CNTNAP2: variants seen among roughly 807,000 people sequenced by gnomAD.
CNTNAP2 encodes the protein contactin-associated protein-like 2.
Under a neutral mutation model 155.2 loss-of-function variants are expected in CNTNAP2, and 98 were observed. The observed-to-expected ratio is 0.63, with a 90% CI of 0.54 to 0.75. The LOEUF is 0.75. Among genes scored for constraint, CNTNAP2 ranks in the 30% least tolerant of loss-of-function variants. The probability of loss-of-function intolerance (pLI) is 0.00; values close to 1 mark genes in which losing one functional copy is unlikely to be tolerated. For missense variants in CNTNAP2, 1,727 were observed against 1,688.1 expected (o/e 1.02, Z -0.40); for synonymous variants, 651 against 631.2 (o/e 1.03, Z -0.47).
intron 4 of CNTNAP2, among the ~76,000 whole-genome samples, chr7:147,052,438 G>C (rs183603974): frequency 9.2e-5 from 14 of 152,152 alleles, no homozygotes; most frequent in African/African-American, 3.4e-4. Context: ...ATTACTATTT[G>C]AGGATGCATA....
chr7:147,509,214 T>C (rs1296864362), intron 11 of CNTNAP2, among the ~76,000 whole-genome samples: 1 of 152,216 alleles, frequency 6.6e-6, no homozygotes, highest in Non-Finnish European at 1.5e-5. Context: ...ATCCCAAATC[T>C]GATTTAGGGC....
intron 1 of CNTNAP2, among the ~76,000 whole-genome samples, chr7:146,534,412 A>G (rs1377078059): frequency 2.0e-5 from 3 of 152,108 alleles, no homozygotes; most frequent in African/African-American, 7.2e-5. Flanking sequence ...CAGTGATACA[A>G]TATGAGTGCC....
Position 147,671,047 on chromosome 7 carries a change from C to T in CNTNAP2, c.2098+31741C>T, listed in dbSNP as rs571969565. On this transcript the variant is annotated intron_variant, in intron 13 of 23. Coordinates refer to ENST00000361727, the MANE Select transcript of CNTNAP2 (RefSeq NM_014141.6). ...GCTGGTGCCCAAAAGCACTGGCTCTCGGCTCCTGCCTCCACTTACCCGTGT... is the reference window on the plus strand; with the variant it reads ...GCTGGTGCCCAAAAGCACTGGCTCTTGGCTCCTGCCTCCACTTACCCGTGT... Among the ~76,000 whole-genome samples the T allele has an allele frequency of 1.4e-3, 218 of 152,338 alleles. 1 individual carries two copies. The highest frequency in any genetic ancestry group is 5.1e-3 in the African/African-American group (213 of 41,582).
chr7:147,578,801 C>A (rs763455870), intron 12 of CNTNAP2, among the ~76,000 whole-genome samples: 1 of 151,988 alleles, frequency 6.6e-6, no homozygotes, highest in Non-Finnish European at 1.5e-5. Flanking sequence ...CTTTAAAACC[C>A]TGTGTATTAC....
intron 10 of CNTNAP2, among the ~76,000 whole-genome samples, chr7:147,425,241 C>T (rs1797359884): frequency 1.5e-5 from 2 of 137,658 alleles, no homozygotes; most frequent in Non-Finnish European, 1.5e-5. Flanking sequence ...TATTCTCCTT[C>T]TTGTTCCACA....
intron 14 of CNTNAP2, among the ~76,000 whole-genome samples, chr7:147,944,986 TC>T (rs1412130621): frequency 6.6e-6 from 1 of 152,150 alleles, no homozygotes; most frequent in Non-Finnish European, 1.5e-5. Flanking sequence ...GGTTTGATGC[TC>T]CCAGGCACAG....
At chr7:146,472,147 G>C (rs1170459489) in intron 1 of CNTNAP2, among the ~76,000 whole-genome samples, 2 of 152,156 alleles carry the variant, frequency 1.3e-5, no homozygotes, top group Non-Finnish European at 1.5e-5. Context: ...TGGTGTTTCA[G>C]GTAGTTCTGT....
At chr7:146,191,629 C>T (rs1199339051) in intron 1 of CNTNAP2, among the ~76,000 whole-genome samples, 6 of 152,078 alleles carry the variant, frequency 3.9e-5, no homozygotes, top group Non-Finnish European at 8.8e-5. Flanking sequence ...GACAGACACT[C>T]CCAGAGCGGC....
chr7:147,492,561 T>G (rs979240914), intron 11 of CNTNAP2, among the ~76,000 whole-genome samples: 2 of 152,194 alleles, frequency 1.3e-5, no homozygotes, highest in Non-Finnish European at 2.9e-5. Flanking sequence ...AGGGAAGTTA[T>G]GGAGAGGGGA....
At chr7:147,085,514 C>T (rs1027746722) in intron 4 of CNTNAP2, among the ~76,000 whole-genome samples, 7 of 152,266 alleles carry the variant, frequency 4.6e-5, no homozygotes, top group African/African-American at 1.7e-4. Flanking sequence ...TCCCAAAACC[C>T]ACCCCCAAGC....
At chr7:148,315,018 TGA>T (rs1157296460) in intron 21 of CNTNAP2, among the ~76,000 whole-genome samples, 3 of 151,996 alleles carry the variant, frequency 2.0e-5, no homozygotes, top group Admixed American at 2.0e-4. Flanking sequence ...TGAGGGATAG[TGA>T]GAGAGGTTGG....
chr7:147,035,738 C>T (rs1409635165), intron 3 of CNTNAP2, among the ~76,000 whole-genome samples: 4 of 151,952 alleles, frequency 2.6e-5, no homozygotes, highest in East Asian at 1.9e-4. Flanking sequence ...CTCATTCATT[C>T]GCTATAGGAG....
At chr7:148,165,680 C>T (rs1026506969) in intron 17 of CNTNAP2, among the ~76,000 whole-genome samples, 4 of 152,288 alleles carry the variant, frequency 2.6e-5, no homozygotes, top group East Asian at 1.9e-4. Context: ...GCTCACATGC[C>T]ATGAGCGGCG....
At position 147,294,137 on chromosome 7, in the gene CNTNAP2, C is replaced by T. The variant is rs145403294; in HGVS notation, c.1349-6004C>T. Among the ~76,000 whole-genome samples, 54 of 152,300 alleles carry T rather than the reference C, an allele frequency of 3.5e-4. No individual in the cohort carries two copies. In the East Asian group the frequency reaches 9.6e-3, roughly 27 times the overall value. On this transcript the variant is annotated intron_variant, in intron 8 of 23. Transcript: ENST00000361727. ...TCAGCCTCTTATGGGGCAAGCTCCA[C>T]GTGTGCCTGAATATATTATGACCCC...
intron 17 of CNTNAP2, among the ~76,000 whole-genome samples, chr7:148,170,344 A>G (rs1203648893): frequency 1.3e-5 from 2 of 152,234 alleles, no homozygotes; most frequent in Non-Finnish European, 2.9e-5. Flanking sequence ...TATTGCAAGG[A>G]CAAAAGCCAT....
At chr7:148,368,142 C>T (rs1167618735) in intron 21 of CNTNAP2, among the ~76,000 whole-genome samples, 1 of 152,188 alleles carries the variant, frequency 6.6e-6, no homozygotes, top group African/African-American at 2.4e-5. Context: ...GTGCCTGGCT[C>T]AGATTAGCTT....
intron 1 of CNTNAP2, among the ~76,000 whole-genome samples, chr7:146,178,701 A>G (rs1434324218): frequency 6.6e-6 from 1 of 152,190 alleles, no homozygotes; most frequent in Non-Finnish European, 1.5e-5. Flanking sequence ...CATCTGCTAA[A>G]TTATTGCTCA....
intron 1 of CNTNAP2, among the ~76,000 whole-genome samples, chr7:146,644,091 A>G (rs945675756): frequency 7.2e-5 from 11 of 152,202 alleles, no homozygotes; most frequent in African/African-American, 2.4e-4. Flanking sequence ...TAGATATACA[A>G]TCATGTCGTC....
intron 1 of CNTNAP2, among the ~76,000 whole-genome samples, chr7:146,205,988 G>A (rs2116875959): frequency 6.6e-6 from 1 of 151,914 alleles, no homozygotes; most frequent in Non-Finnish European, 1.5e-5. Flanking sequence ...AATAAAGAAG[G>A]TAATGACCTC....
Sources: gnomAD v4.1 joint callset for allele counts (sites outside exome capture counted in the v4.1 genomes callset) on GRCh38, gnomAD v4.1.1 for gene constraint, MANE v1.5 for transcripts, NCBI Gene and HGNC (gene_info 2026-07-23, HGNC 2026-07-21) for gene names.